ACOT11: variants seen among roughly 807,000 people sequenced by gnomAD.
ACOT11 encodes acyl-coenzyme A thioesterase 11.
Under a neutral mutation model 77.5 loss-of-function variants are expected in ACOT11, and 69 were observed. That is an observed-to-expected ratio of 0.89 (90% CI 0.73 to 1.09). The LOEUF (loss-of-function observed/expected upper bound fraction) is 1.09. Among genes scored for constraint, ACOT11 ranks in the 50% least tolerant of loss-of-function variants. The pLI, the probability that ACOT11 is intolerant of heterozygous loss-of-function variation, is 0.00. For synonymous variants in ACOT11, 279 were observed against 313.0 expected, an observed-to-expected ratio of 0.89 and a Z score of 1.15; for missense variants, 766 against 813.7, an observed-to-expected ratio of 0.94 and a Z score of 0.71.
At chr1:54,599,454 G>A (rs980533092) in intron 8 of ACOT11, 39 bp downstream of exon 8, 1 of 1,545,906 alleles carries the variant, frequency 6.5e-7, no homozygotes, top group South Asian at 1.2e-5. Context: ...TCCATTCAGG[G>A]CTGAGGGCTC....
chr1:54,548,452 C>T (rs559396004), intron 1 of ACOT11, 110 bp downstream of exon 1: 19 of 1,338,950 alleles, frequency 1.4e-5, no homozygotes, highest in East Asian at 5.1e-5. Flanking sequence ...ACACTCTCCA[C>T]GGGCCATTTT....
rs769594892 is a variant in ACOT11 at position 54,594,023 on chromosome 1, G to C, written c.455G>C (p.Arg152Pro). The C allele has an allele frequency of 6.2e-7, 1 of 1,613,742 alleles. No homozygotes were observed. Reference protein sequence around the residue: ...VCKALATFVARREITKVKLKQ... With the variant: ...VCKALATFVAPREITKVKLKQ... ...AAGGCCTTGGCCACCTTCGTGGCCC[G>C]CCGAGAGATCACCAAGGTAACTGGG... The change falls in exon 5 of 16, where the codon CGC becomes CCC. Residue 152 changes from arginine (R) to proline (P), a missense_variant. Physicochemically the swap from Arg to Pro is moderately radical, Grantham distance 103. Transcript: ENST00000343744.
chr1:54,634,724 A>T lies in ACOT11; in HGVS notation c.1819A>T (p.Thr607Ser), dbSNP rs980521277. Residue 607 changes from threonine to serine, a missense_variant, in exon 17 of 17, where the codon ACC (threonine) becomes TCC (serine). By Grantham distance (58) the Thr-to-Ser change is moderately conservative. Coordinates refer to the ACOT11 transcript ENST00000371316. ...CAGCCGATTTGGATACCTTCAAGAC[A>T]CCTGAAACCTTATCATGAGCCAGAT... 18 of 702,484 alleles carry T rather than the reference A, an allele frequency of 2.6e-5. No individual in the cohort carries two copies. The Admixed American group carries it at 3.6e-4, about 14-fold the overall frequency. The allele number at this position is 702,484 out of a possible 1,614,324, so 43.5% of individuals were successfully genotyped here.
chr1:54,625,462 G>A (rs1194918355), intron 15 of ACOT11, among the ~76,000 whole-genome samples: 3 of 149,254 alleles, frequency 2.0e-5, no homozygotes, highest in African/African-American at 2.4e-5. Context: ...AATGCTAACT[G>A]GGCCTCACCC....
At position 54,602,743 on chromosome 1, in the gene ACOT11, G is replaced by T. The variant is rs1180195600; in HGVS notation, c.1085+19G>T. On this transcript the variant is annotated intron_variant, in intron 10 of 15. Coordinates refer to ENST00000343744, the MANE Select transcript of ACOT11 (RefSeq NM_147161.4). ...TGGACAGGTGAGTAGGGGCTGAGTG[G>T]TGGGCAGAATGTGGATTCGGGGCTG... The T allele has an allele frequency of 2.6e-6, 4 of 1,523,846 alleles. No individual in the cohort carries two copies. The highest frequency in any genetic ancestry group is 3.5e-6 in the Non-Finnish European group (4 of 1,136,876). 94.4% of individuals were successfully genotyped at this position (1,523,846 alleles called of 1,614,324 possible). A position where few individuals can be genotyped will look rare whatever the true frequency, so the allele number is the denominator to read the frequency against.
chr1:54,609,103 G>GA lies in ACOT11; in HGVS notation c.1777dup (p.Thr593AsnfsTer72). The GA allele has an allele frequency of 1.9e-6, 3 of 1,614,056 alleles. No homozygotes were observed. The highest frequency in any genetic ancestry group is 2.5e-6 in the Non-Finnish European group (3 of 1,179,996). On this transcript the variant is annotated frameshift_variant, in exon 16 of 16. Coordinates refer to ENST00000343744, the MANE Select transcript of ACOT11 (RefSeq NM_147161.4). LOFTEE classifies it high-confidence loss of function. ...GGAATGATCTGGCCCCCAGCCTCCA[G>GA]ACCCTCTAGATGCCCTCAGTGGCCA...
intron 1 of ACOT11, among the ~76,000 whole-genome samples, chr1:54,549,837 G>A (rs181217616): frequency 6.1e-4 from 93 of 152,370 alleles, no homozygotes; most frequent in African/African-American, 2.1e-3. Context: ...AGGGCAGAGT[G>A]TCTCCCAGGA....
chr1:54,603,839 G>A, intron 10 of ACOT11, 32 bp from the exon 11 acceptor site: 1 of 1,608,776 alleles, frequency 6.2e-7, no homozygotes. Flanking sequence ...AACTTCCAGG[G>A]GACCAAGGTT....
chr1:54,610,659 A>G (rs1350745125), downstream of ACOT11: 5 of 1,493,968 alleles, frequency 3.3e-6, no homozygotes, highest in Non-Finnish European at 4.5e-6. Flanking sequence ...ATCCTCTCTA[A>G]GCCTCATAGC....
At chr1:54,632,284 A>C (rs555754433) in intron 16 of ACOT11, among the ~76,000 whole-genome samples, 8 of 152,274 alleles carry the variant, frequency 5.3e-5, no homozygotes, top group Non-Finnish European at 7.4e-5. Context: ...ACCCCTGTAC[A>C]ATGTCTGTCC....
chr1:54,572,764 C>G (rs1319208543), intron 1 of ACOT11, among the ~76,000 whole-genome samples: 5 of 152,200 alleles, frequency 3.3e-5, no homozygotes, highest in African/African-American at 1.2e-4. Context: ...CAGATTTGCT[C>G]TTTAGCAGAA....
intron 15 of ACOT11, among the ~76,000 whole-genome samples, chr1:54,624,657 G>A (rs1644261176): frequency 6.6e-6 from 1 of 152,134 alleles, no homozygotes; most frequent in African/African-American, 2.4e-5. Context: ...TCAATGGGAA[G>A]GTCAAGAAGA....
intron 2 of ACOT11, among the ~76,000 whole-genome samples, chr1:54,585,605 T>G (rs115677242): frequency 6.6e-5 from 10 of 152,174 alleles, no homozygotes; most frequent in Non-Finnish European, 1.2e-4. Context: ...CTCAAGTAAT[T>G]TACAATCTAG....
intron 2 of ACOT11, among the ~76,000 whole-genome samples, chr1:54,585,275 C>T (rs1333351337): frequency 1.3e-5 from 2 of 152,198 alleles, no homozygotes; most frequent in Non-Finnish European, 2.9e-5. Context: ...ACAGCGCTCA[C>T]AGCCTGGTAG....
chr1:54,587,017 AG>A (rs1391970982), intron 3 of ACOT11, among the ~76,000 whole-genome samples: 2 of 152,216 alleles, frequency 1.3e-5, no homozygotes, highest in Non-Finnish European at 2.9e-5. Context: ...AAGATTGGCC[AG>A]TCCCTGTACT....
chr1:54,630,890 A>G, intron 16 of ACOT11: 1 of 729,964 alleles, frequency 1.4e-6, no homozygotes, highest in Non-Finnish European at 2.5e-6. Flanking sequence ...CCCCGTGGTG[A>G]GTAAGAAGGG....
At chr1:54,566,026 G>T (rs1432410012) in intron 1 of ACOT11, among the ~76,000 whole-genome samples, 1 of 151,926 alleles carries the variant, frequency 6.6e-6, no homozygotes, top group Non-Finnish European at 1.5e-5. Flanking sequence ...TTCCCCATCT[G>T]CCTTGACTCA....
At chr1:54,585,586 A>G (rs982233209) in intron 2 of ACOT11, among the ~76,000 whole-genome samples, 1 of 152,226 alleles carries the variant, frequency 6.6e-6, no homozygotes, top group African/African-American at 2.4e-5. Context: ...ACAGGCAAAA[A>G]TCCTTGTCCT....
At position 54,562,968 on chromosome 1, in the gene ACOT11, G is replaced by A. The variant is rs1420113889; in HGVS notation, c.33+14626G>A. Among the ~76,000 whole-genome samples, 6 of 145,620 alleles carry A rather than the reference G, an allele frequency of 4.1e-5. No individual in the cohort carries two copies. In the South Asian group the frequency reaches 1.2e-3, roughly 28 times the overall value. On this transcript the variant is annotated intron_variant, in intron 1 of 15. Coordinates refer to ENST00000343744, the MANE Select transcript of ACOT11 (RefSeq NM_147161.4). ...GCTCCTCACATCCCAGACGATGGGC[G>A]GCCAGGCAGAGACACTCCTCACTTC...
Sources: gnomAD v4.1 joint callset for allele counts (sites outside exome capture counted in the v4.1 genomes callset) on GRCh38, gnomAD v4.1.1 for gene constraint, MANE v1.5 for transcripts, NCBI Gene and HGNC (gene_info 2026-07-23, HGNC 2026-07-21) for gene names.